GLIS3: variants seen among roughly 807,000 people sequenced by gnomAD.
GLIS3 encodes GLIS family zinc finger 3.
Under a neutral mutation model 78.6 loss-of-function variants are expected in GLIS3, and 53 were observed. The ratio of observed to expected loss-of-function variants is 0.67; its 90% CI spans 0.54 to 0.85. The LOEUF (loss-of-function observed/expected upper bound fraction) is 0.85, where lower values mean the gene tolerates loss of function less well. Among genes scored for constraint, GLIS3 ranks in the 40% least tolerant of loss-of-function variants. The probability of loss-of-function intolerance (pLI) is 0.00; values close to 1 mark genes in which losing one functional copy is unlikely to be tolerated. For synonymous variants in GLIS3, 684 were observed against 509.9 expected, an observed-to-expected ratio of 1.34 and a Z score of -4.60; for missense variants, 1,703 against 1,231.1, an observed-to-expected ratio of 1.38 and a Z score of -5.74.
At chr9:4,169,653 G>C (rs1010298740) in intron 2 of GLIS3, among the ~76,000 whole-genome samples, 4 of 152,130 alleles carry the variant, frequency 2.6e-5, no homozygotes, top group Non-Finnish European at 5.9e-5. Context: ...ATAAGAAAAT[G>C]TGCATGTTTG....
chr9:4,312,099 G>A (rs945932871), intron 2 of GLIS3, among the ~76,000 whole-genome samples: 1 of 152,178 alleles, frequency 6.6e-6, no homozygotes, highest in Non-Finnish European at 1.5e-5. Flanking sequence ...GAGTTTACCT[G>A]TATAACAAAC....
intron 2 of GLIS3, among the ~76,000 whole-genome samples, chr9:4,283,767 G>T (rs1827758245): frequency 6.6e-6 from 1 of 152,176 alleles, no homozygotes; most frequent in African/African-American, 2.4e-5. Context: ...CTTAGTATAG[G>T]AATTGTCAAC....
chr9:4,211,501 C>T (rs559556022), intron 2 of GLIS3, among the ~76,000 whole-genome samples: 8 of 152,282 alleles, frequency 5.3e-5, no homozygotes, highest in East Asian at 3.9e-4. Context: ...CAACACCAGA[C>T]GGAGGGATGA....
chr9:4,357,899 T>C, the GLIS3 span, among the ~76,000 whole-genome samples: 4 of 152,360 alleles, frequency 2.6e-5, no homozygotes, highest in African/African-American at 4.8e-5. Context: ...TTAAATTGTT[T>C]GAAATGGCAA....
chr9:3,927,692 G>A (rs1825346051), intron 6 of GLIS3, among the ~76,000 whole-genome samples: 1 of 152,152 alleles, frequency 6.6e-6, no homozygotes, highest in African/African-American at 2.4e-5. Context: ...CACTTTCATT[G>A]ACAACCTCTC....
At chr9:4,248,953 A>G (rs1824081531) in intron 2 of GLIS3, among the ~76,000 whole-genome samples, 1 of 152,036 alleles carries the variant, frequency 6.6e-6, no homozygotes, top group Non-Finnish European at 1.5e-5. Context: ...CTGTGGCATT[A>G]TTTCTGAGGC....
intron 4 of GLIS3, among the ~76,000 whole-genome samples, chr9:3,950,511 C>G (rs535961754): frequency 6.6e-6 from 1 of 152,232 alleles, no homozygotes; most frequent in Non-Finnish European, 1.5e-5. Flanking sequence ...GGGCACCATG[C>G]CCCTTCCCAC....
At chr9:4,247,969 T>A (rs1053036086) in intron 2 of GLIS3, among the ~76,000 whole-genome samples, 3 of 152,230 alleles carry the variant, frequency 2.0e-5, no homozygotes, top group African/African-American at 7.2e-5. Flanking sequence ...CATCCTGCTG[T>A]GCAGTAGATC....
chr9:4,385,778 A>G, the GLIS3 span, among the ~76,000 whole-genome samples: 15 of 74,400 alleles, frequency 2.0e-4, 2 homozygotes, highest in African/African-American at 9.4e-4. Context: ...AGAAAGAAAG[A>G]AAGAAAGAAA....
chr9:4,288,628 C>A (rs1828197679), intron 1 of GLIS3, among the ~76,000 whole-genome samples: 1 of 152,150 alleles, frequency 6.6e-6, no homozygotes, highest in South Asian at 2.1e-4. Flanking sequence ...AGAGCACTGA[C>A]AACTTAATTA....
the GLIS3 span, among the ~76,000 whole-genome samples, chr9:4,482,599 G>A: frequency 0.12 from 18,442 of 152,180 alleles, 1,202 homozygotes; most frequent in Admixed American, 0.16. Flanking sequence ...GTTTTATGAT[G>A]ATAGAATACA....
chr9:4,195,515 G>A (rs543046143), intron 2 of GLIS3, among the ~76,000 whole-genome samples: 75 of 152,320 alleles, frequency 4.9e-4, no homozygotes, highest in South Asian at 2.3e-3. Context: ...AATTCTCGCC[G>A]GGCCTCAGCC....
intron 2 of GLIS3, among the ~76,000 whole-genome samples, chr9:4,149,629 T>A (rs1324391111): frequency 1.3e-5 from 2 of 152,260 alleles, no homozygotes; most frequent in Admixed American, 1.3e-4. Flanking sequence ...TAGATGACAC[T>A]AGTCTAACCT....
At chr9:4,302,293 G>A (rs751750126), upstream of GLIS3, among the ~76,000 whole-genome samples, 1 of 152,206 alleles carries the variant, frequency 6.6e-6, no homozygotes, top group African/African-American at 2.4e-5. Flanking sequence ...AGCCCAGTCA[G>A]TATCTTCCCT....
intron 2 of GLIS3, among the ~76,000 whole-genome samples, chr9:4,201,615 T>G (rs1341557979): frequency 2.0e-5 from 3 of 151,936 alleles, no homozygotes; most frequent in African/African-American, 7.3e-5. Context: ...TACCCAGGAA[T>G]AGAGCTAACC....
intron 2 of GLIS3, among the ~76,000 whole-genome samples, chr9:4,154,923 C>A (rs1055874488): frequency 2.0e-5 from 3 of 152,088 alleles, no homozygotes; most frequent in Non-Finnish European, 2.9e-5. Context: ...TTTCCGTATA[C>A]ATAAAAAATG....
intron 2 of GLIS3, among the ~76,000 whole-genome samples, chr9:4,252,554 C>T (rs751296683): frequency 6.6e-5 from 10 of 151,950 alleles, no homozygotes; most frequent in Non-Finnish European, 1.5e-4. Flanking sequence ...TAGAACTGCC[C>T]TTTTAGCTTC....
At position 4,118,742 on chromosome 9, in the gene GLIS3, G is replaced by A. The variant is rs768650920; in HGVS notation, c.736C>T (p.Leu246Phe). ...AGGCTAAGGAGATCCCCTAGATCAA[G>A]GCCATTCTGAGAGCCGTGGTTGGAG... is the stretch of plus-strand genomic sequence containing the variant. ...SLSNHGSQNGLDLGDLLSLPP... is the reference protein window; with the variant it reads ...SLSNHGSQNGFDLGDLLSLPP... The change falls in exon 4 of 11, where the codon CTT becomes TTT. Residue 246 changes from leucine (L) to phenylalanine (F), a missense_variant. By Grantham distance (22) the Leu-to-Phe change is conservative. Coordinates refer to ENST00000381971, the MANE Select transcript of GLIS3 (RefSeq NM_001042413.2). This position sits in a 1 kb window ranked among gnomAD's most constrained non-coding sequence, Gnocchi z 4.7. 10 of 1,613,884 alleles carry A rather than the reference G, an allele frequency of 6.2e-6. No individual in the cohort carries two copies. The South Asian group carries it at 9.9e-5, about 16-fold the overall frequency.
intron 4 of GLIS3, among the ~76,000 whole-genome samples, chr9:3,938,436 T>C (rs932271624): frequency 1.3e-5 from 2 of 152,152 alleles, no homozygotes; most frequent in Non-Finnish European, 2.9e-5. Flanking sequence ...CTTACTATAA[T>C]AGATGGTAGA....
Sources: allele counts gnomAD v4.1 joint callset (sites outside exome capture counted in the v4.1 genomes callset), GRCh38; gene constraint gnomAD v4.1.1; non-coding constraint Gnocchi (gnomAD v3.1); transcripts MANE v1.5; gene names NCBI Gene and HGNC (gene_info 2026-07-23, HGNC 2026-07-21).